Variants in GRIK4 observed in about 807,000 individuals in gnomAD.
GRIK4 encodes glutamate receptor ionotropic, kainate 4.
GRIK4 carries 40 observed loss-of-function variants against 104.9 expected under a neutral mutation model. The ratio of observed to expected loss-of-function variants is 0.38; its 90% CI spans 0.30 to 0.50. The LOEUF (loss-of-function observed/expected upper bound fraction) is 0.50, where lower values mean the gene tolerates loss of function less well. Among genes scored for constraint, GRIK4 ranks in the 20% least tolerant of loss-of-function variants. The probability of loss-of-function intolerance (pLI) is 0.93; values close to 1 mark genes in which losing one functional copy is unlikely to be tolerated. For missense variants in GRIK4, 1,047 were observed against 1,308.1 expected (o/e 0.80, Z 3.08); for synonymous variants, 485 against 524.9 (o/e 0.92, Z 1.04).
chr11:120,744,523 G>C (rs1189258394), intron 3 of GRIK4, among the ~76,000 whole-genome samples: 3 of 152,198 alleles, frequency 2.0e-5, no homozygotes, highest in African/African-American at 7.2e-5. Flanking sequence ...CCCTATGCCA[G>C]GCCCTGGGCA....
chr11:120,556,327 C>A (rs1402129891), intron 1 of GRIK4, among the ~76,000 whole-genome samples: 1 of 152,210 alleles, frequency 6.6e-6, no homozygotes, highest in Non-Finnish European at 1.5e-5. Flanking sequence ...CCACTTGTCA[C>A]CTTCTGCTCA....
chr11:120,683,862 T>C (rs1048513112), intron 3 of GRIK4, among the ~76,000 whole-genome samples: 3 of 152,240 alleles, frequency 2.0e-5, no homozygotes, highest in African/African-American at 7.2e-5. Context: ...AGCAGGTTTT[T>C]AGATAAAGTC....
chr11:120,708,795 G>C (rs182312315), intron 3 of GRIK4, among the ~76,000 whole-genome samples: 5 of 152,316 alleles, frequency 3.3e-5, no homozygotes, highest in Non-Finnish European at 7.4e-5. Flanking sequence ...GCAGGGCCCT[G>C]CTGCTGGGAG....
At chr11:120,640,966 C>T (rs975771836) in intron 1 of GRIK4, among the ~76,000 whole-genome samples, 5 of 152,234 alleles carry the variant, frequency 3.3e-5, no homozygotes, top group Non-Finnish European at 7.3e-5. Flanking sequence ...CCCACCTTGG[C>T]CTCCCAAAGT....
chr11:120,775,974 C>T (rs1952033914), intron 3 of GRIK4, among the ~76,000 whole-genome samples: 2 of 152,210 alleles, frequency 1.3e-5, no homozygotes, highest in Non-Finnish European at 2.9e-5. Flanking sequence ...CTGCATCCTG[C>T]AGTGGCTGAT....
chr11:120,815,192 T>G (rs1461183317), intron 4 of GRIK4, among the ~76,000 whole-genome samples, 186 bp from the exon 5 acceptor site: 1 of 152,238 alleles, frequency 6.6e-6, no homozygotes, highest in Non-Finnish European at 1.5e-5. Flanking sequence ...AATAAAACTG[T>G]CCTGGAGCCC....
chr11:120,917,546 C>T (rs896301307), intron 13 of GRIK4, among the ~76,000 whole-genome samples: 3 of 152,150 alleles, frequency 2.0e-5, no homozygotes, highest in African/African-American at 2.4e-5. Context: ...GGAATGACAT[C>T]GGAGCGTCAC....
chr11:120,978,402 G>T (rs1342640938), intron 19 of GRIK4, among the ~76,000 whole-genome samples: 1 of 152,176 alleles, frequency 6.6e-6, no homozygotes, highest in Non-Finnish European at 1.5e-5. Flanking sequence ...CCAGATGTGT[G>T]TCTGGGGAGT....
chr11:120,702,427 G>A (rs1464382361), intron 3 of GRIK4, among the ~76,000 whole-genome samples: 1 of 152,190 alleles, frequency 6.6e-6, no homozygotes, highest in African/African-American at 2.4e-5. Flanking sequence ...TAGAATGTGA[G>A]TCTAGAGTTC....
intron 1 of GRIK4, among the ~76,000 whole-genome samples, chr11:120,547,595 T>C (rs1591686622): frequency 8.5e-6 from 1 of 118,144 alleles, no homozygotes; most frequent in Non-Finnish European, 1.5e-5. Flanking sequence ...CATTCAGGGA[T>C]TTTTTTTTTT....
chr11:120,598,553 C>G (rs1948837954), intron 1 of GRIK4, among the ~76,000 whole-genome samples: 1 of 152,200 alleles, frequency 6.6e-6, no homozygotes, highest in Non-Finnish European at 1.5e-5. Context: ...CTTAGTGGCT[C>G]AAGACAATGA....
chr11:120,638,155 CA>C, intron 1 of GRIK4, among the ~76,000 whole-genome samples: 1 of 152,152 alleles, frequency 6.6e-6, no homozygotes, highest in East Asian at 1.9e-4. Flanking sequence ...GCTAGGATTA[CA>C]GGCATGAGCC....
At chr11:120,771,020 G>C (rs1951931258) in intron 3 of GRIK4, among the ~76,000 whole-genome samples, 1 of 152,206 alleles carries the variant, frequency 6.6e-6, no homozygotes, top group South Asian at 2.1e-4. Flanking sequence ...CAAGAAGTGA[G>C]GGTGCTGCTC....
At position 120,645,565 on chromosome 11, in the gene GRIK4, CGGATGGGACTTCAATG is replaced by C. The variant is rs1185755261; in HGVS notation, c.-158-8119_-158-8104del. Among the ~76,000 whole-genome samples the C allele has an allele frequency of 1.3e-4, 20 of 152,262 alleles. No homozygotes were observed. The East Asian group carries it at 3.9e-3, about 29-fold the overall frequency. On this transcript the variant is annotated intron_variant, in intron 1 of 20. Coordinates refer to ENST00000527524, the MANE Select transcript of GRIK4 (RefSeq NM_014619.5). ...GCTGCCTTCCTATGGTTGGATCACC[CGGATGGGACTTCAATG>C]CCAGAAATCCTTGGCATCCACGTGG...
Position 120,974,120 on chromosome 11 carries a change from C to A in GRIK4, c.2395+6797C>A, listed in dbSNP as rs955247454. On this transcript the variant is annotated intron_variant, in intron 19 of 20. Transcript: ENST00000527524. ...ATGGGATATCACCATGTTGGCCAGG[C>A]TGGTCTCGAACTCCTGACCTCAAGT... Among the ~76,000 whole-genome samples, 4 of 152,182 alleles carry A rather than the reference C, an allele frequency of 2.6e-5. No homozygotes were observed. The East Asian group carries it at 5.8e-4, about 22-fold the overall frequency.
intron 1 of GRIK4, among the ~76,000 whole-genome samples, chr11:120,528,261 G>A (rs572675421): frequency 5.9e-5 from 9 of 152,234 alleles, no homozygotes; most frequent in South Asian, 2.1e-4. Flanking sequence ...ACAGGTGCCC[G>A]CCACCACGCC....
intron 1 of GRIK4, among the ~76,000 whole-genome samples, chr11:120,636,709 G>A (rs1032488338): frequency 3.3e-5 from 5 of 152,254 alleles, no homozygotes; most frequent in Admixed American, 1.3e-4. Context: ...GTGTGGTGGC[G>A]TGCGCCTGTA....
chr11:120,539,390 A>G (rs1289478498), intron 1 of GRIK4, among the ~76,000 whole-genome samples: 2 of 152,332 alleles, frequency 1.3e-5, no homozygotes, highest in East Asian at 3.9e-4. Context: ...GTTCGTATCC[A>G]CTTCGTAATA....
Position 120,966,272 on chromosome 11 carries a change from A to G in GRIK4, c.2267-923A>G, listed in dbSNP as rs147236916. 1.2e-3 allele frequency among the ~76,000 whole-genome samples: 189 copies of G among 152,306 alleles called. 1 individual carries two copies. Among genetic ancestry groups the G allele is most frequent in the African/African-American group, 4.2e-3 (176 of 41,556 alleles). ...AGGAACACCTGGTGACCTGATTCTC[A>G]CACTCTGGGGTGGCTCTTCTCTCAT... On this transcript the variant is annotated intron_variant, in intron 18 of 20. Coordinates refer to ENST00000527524, the MANE Select transcript of GRIK4 (RefSeq NM_014619.5).
Sources: gnomAD v4.1 joint callset for allele counts (sites outside exome capture counted in the v4.1 genomes callset) on GRCh38, gnomAD v4.1.1 for gene constraint, MANE v1.5 for transcripts, NCBI Gene and HGNC (gene_info 2026-07-23, HGNC 2026-07-21) for gene names.